ATP11B: variants seen among roughly 807,000 people sequenced by gnomAD.
ATP11B encodes phospholipid-transporting ATPase IF.
A neutral mutation model predicts 157.8 loss-of-function variants in ATP11B; 81 were observed. That is an observed-to-expected ratio of 0.51 (90% CI 0.43 to 0.62). The LOEUF (loss-of-function observed/expected upper bound fraction) is 0.62. ATP11B is among the 20% of genes least tolerant of loss of function. The probability of loss-of-function intolerance (pLI) is 0.00; values close to 1 mark genes in which losing one functional copy is unlikely to be tolerated. For synonymous variants in ATP11B, 451 were observed against 469.4 expected, an observed-to-expected ratio of 0.96 and a Z score of 0.51; for missense variants, 1,165 against 1,402.2, an observed-to-expected ratio of 0.83 and a Z score of 2.70.
chr3:182,838,783 T>C (rs1487014472), intron 7 of ATP11B, among the ~76,000 whole-genome samples: 1 of 146,040 alleles, frequency 6.8e-6, no homozygotes, highest in African/African-American at 2.6e-5. Flanking sequence ...ATGTGCTATA[T>C]ATTATATATA....
chr3:182,823,829 G>A (rs570184726), intron 2 of ATP11B, among the ~76,000 whole-genome samples: 2 of 147,608 alleles, frequency 1.4e-5, no homozygotes, highest in African/African-American at 5.0e-5. Context: ...AAAACTTTAG[G>A]TTTTTTTTTT....
intron 21 of ATP11B, 40 bp from the exon 22 acceptor site, chr3:182,884,711 TAC>T (rs774375947): frequency 2.6e-6 from 4 of 1,546,338 alleles, no homozygotes; most frequent in African/African-American, 2.8e-5. Flanking sequence ...TCATGAAAAT[TAC>T]AGTTATCAGT....
chr3:182,884,013 A>C (rs1027732288), intron 21 of ATP11B, among the ~76,000 whole-genome samples: 2 of 150,332 alleles, frequency 1.3e-5, no homozygotes, highest in Admixed American at 6.6e-5. Flanking sequence ...TCTAGGGATT[A>C]TGAATACAGG....
intron 1 of ATP11B, among the ~76,000 whole-genome samples, chr3:182,812,356 A>G (rs1170736842): frequency 6.6e-6 from 1 of 152,150 alleles, no homozygotes; most frequent in Non-Finnish European, 1.5e-5. Flanking sequence ...ATGAGTGGAA[A>G]TGTATTTTTA....
chr3:182,876,636 T>C (rs527942262), intron 19 of ATP11B, among the ~76,000 whole-genome samples: 2 of 152,338 alleles, frequency 1.3e-5, no homozygotes, highest in Admixed American at 1.3e-4. Flanking sequence ...TGGTGCCTTA[T>C]TGCTGCATCC....
At chr3:182,821,801 T>C (rs1018803610) in intron 2 of ATP11B, among the ~76,000 whole-genome samples, 1 of 152,184 alleles carries the variant, frequency 6.6e-6, no homozygotes, top group South Asian at 2.1e-4. Flanking sequence ...AGACTGAGGG[T>C]AAAGTTTTCC....
chr3:182,834,447 G>C (rs1005065663), intron 4 of ATP11B, among the ~76,000 whole-genome samples: 1 of 152,064 alleles, frequency 6.6e-6, no homozygotes, highest in Non-Finnish European at 1.5e-5. Context: ...CTCCTACCCA[G>C]GGAGCAATTA....
intron 15 of ATP11B, among the ~76,000 whole-genome samples, chr3:182,868,450 A>G (rs1721408084): frequency 6.6e-6 from 1 of 151,554 alleles, no homozygotes; most frequent in African/African-American, 2.4e-5. Context: ...GGAGATGTGT[A>G]AAGATTTCAT....
Position 182,866,280 on chromosome 3 carries a change from G to C in ATP11B, c.1456G>C (p.Asp486His), listed in dbSNP as rs773411741. Residue 486 changes from aspartate (D) to histidine (H), a missense_variant, in exon 14 of 30, where the codon GAT becomes CAT. By Grantham distance (81) the Asp-to-His change is moderately conservative (BLOSUM62 -1). Coordinates refer to ENST00000323116, the MANE Select transcript of ATP11B (RefSeq NM_014616.3). ...ENETELIKEH[D>H]LFFKAVSLCH... ...TACATTTTTACAGATTAAAGAACATGATCTCTTCTTTAAAGCAGTCAGTCT... is the reference window on the plus strand; with the variant it reads ...TACATTTTTACAGATTAAAGAACATCATCTCTTCTTTAAAGCAGTCAGTCT... The C allele has an allele frequency of 6.3e-7, 1 of 1,575,112 alleles. No individual in the cohort carries two copies. Among genetic ancestry groups the C allele is most frequent in the Non-Finnish European group, 8.6e-7 (1 of 1,156,662 alleles).
chr3:182,890,591 G>GT (rs1723110780), intron 25 of ATP11B, among the ~76,000 whole-genome samples: 1 of 152,110 alleles, frequency 6.6e-6, no homozygotes, highest in Non-Finnish European at 1.5e-5. Flanking sequence ...ACCTTATAGA[G>GT]TAGGGACATA....
intron 28 of ATP11B, among the ~76,000 whole-genome samples, chr3:182,901,149 G>A (rs1723930470): frequency 6.6e-6 from 1 of 151,836 alleles, no homozygotes; most frequent in East Asian, 1.9e-4. Flanking sequence ...CTCCAGCCTG[G>A]GCGACAGAGC....
Position 182,919,100 on chromosome 3 carries a change from T to A in ATP11B, c.*996T>A, listed in dbSNP as rs1725310046. On this transcript the variant is annotated 3_prime_UTR_variant, in exon 30 of 30. Coordinates refer to ENST00000323116, the MANE Select transcript of ATP11B (RefSeq NM_014616.3). ...TGTTTAATTATACAAATCAGAATAG[T>A]ATGGGTAATTAAATGAATACAAAAA... is the stretch of plus-strand genomic sequence containing the variant. The A allele has an allele frequency of 1.3e-5, 2 of 152,262 alleles. No homozygotes were observed. Among genetic ancestry groups the A allele is most frequent in the South Asian group, 4.1e-4 (2 of 4,838 alleles). 9.4% of individuals were successfully genotyped at this position (152,262 alleles called of 1,614,324 possible).
At chr3:182,908,164 C>G (rs1229805156) in intron 28 of ATP11B, among the ~76,000 whole-genome samples, 1 of 150,310 alleles carries the variant, frequency 6.7e-6, no homozygotes, top group African/African-American at 2.4e-5. Context: ...AATAAATTTA[C>G]CGAATCAATA....
intron 1 of ATP11B, among the ~76,000 whole-genome samples, chr3:182,819,094 T>G (rs1443167541): frequency 2.1e-5 from 3 of 145,850 alleles, no homozygotes; most frequent in Non-Finnish European, 3.0e-5. Context: ...TTTTTTTTTT[T>G]GAGACGGAGT....
chr3:182,897,734 T>C (rs1723653966), intron 27 of ATP11B, among the ~76,000 whole-genome samples: 1 of 152,062 alleles, frequency 6.6e-6, no homozygotes, highest in Non-Finnish European at 1.5e-5. Context: ...TTCACAATTT[T>C]CTTTACACTA....
At chr3:182,861,223 G>A (rs1440924462) in intron 12 of ATP11B, among the ~76,000 whole-genome samples, 15 of 151,780 alleles carry the variant, frequency 9.9e-5, no homozygotes, top group Non-Finnish European at 1.9e-4. Context: ...GTGCCACCAC[G>A]CCCGGCTAAT....
At chr3:182,842,245 GTGTTTTGTT>G in intron 8 of ATP11B, 123 bp downstream of exon 8, 1 of 705,884 alleles carries the variant, frequency 1.4e-6, no homozygotes, top group Non-Finnish European at 2.4e-6. Flanking sequence ...TAATTTTGTT[GTGTTTTGTT>G]TGTTTTGTTT....
intron 21 of ATP11B, 79 bp downstream of exon 21, chr3:182,881,060 T>C: frequency 9.0e-7 from 1 of 1,116,146 alleles, no homozygotes; most frequent in Non-Finnish European, 1.3e-6. Context: ...ATTTTCTTTT[T>C]GTAGATTAAA....
chr3:182,846,242 G>A (rs1169569095), intron 9 of ATP11B, among the ~76,000 whole-genome samples: 1 of 150,864 alleles, frequency 6.6e-6, no homozygotes, highest in East Asian at 1.9e-4. Flanking sequence ...TCTGTTACCT[G>A]TACTATATCT....
Sources: gnomAD v4.1 joint callset for allele counts (sites outside exome capture counted in the v4.1 genomes callset) on GRCh38, gnomAD v4.1.1 for gene constraint, MANE v1.5 for transcripts, NCBI Gene and HGNC (gene_info 2026-07-23, HGNC 2026-07-21) for gene names.